The following EFHB variants were observed in gnomAD, a reference collection of about 807,000 sequenced individuals.
EFHB encodes the protein EF-hand domain-containing family member B.
Under a neutral mutation model 87.2 loss-of-function variants are expected in EFHB, and 91 were observed. The ratio of observed to expected loss-of-function variants is 1.04; its 90% CI spans 0.88 to 1.24. The LOEUF (loss-of-function observed/expected upper bound fraction) is 1.24, where lower values mean the gene tolerates loss of function less well. Among genes scored for constraint, EFHB ranks in the 50% most tolerant of loss-of-function variants. EFHB has a pLI of 0.00. For missense variants in EFHB, 1,084 were observed against 998.8 expected (o/e 1.09, Z -1.15); for synonymous variants, 325 against 333.6 (o/e 0.97, Z 0.28).
intron 11 of EFHB, among the ~76,000 whole-genome samples, chr3:19,883,660 T>C (rs1389423843): frequency 6.6e-6 from 1 of 152,176 alleles, no homozygotes; most frequent in African/African-American, 2.4e-5. Context: ...GTATAATTAA[T>C]TAAGATAAGG....
chr3:19,911,367 G>A lies in EFHB; in HGVS notation c.1288+3936C>T, dbSNP rs141035198. On this transcript the variant is annotated intron_variant, in intron 5 of 12. Coordinates refer to ENST00000295824, the MANE Select transcript of EFHB (RefSeq NM_144715.4). ...ACTTAAGGCCAGGAGTTCAAGACCA[G>A]CCTGGCCAACATGGTGAAACCCCAT... is the stretch of plus-strand genomic sequence containing the variant. 4.6e-3 allele frequency among the ~76,000 whole-genome samples: 700 copies of A among 152,062 alleles called. 19 individuals carry two copies. Among genetic ancestry groups the A allele is most frequent in the Admixed American group, 0.039 (589 of 15,266 alleles).
chr3:19,886,011 T>C (rs1694090215), intron 10 of EFHB, among the ~76,000 whole-genome samples: 1 of 152,110 alleles, frequency 6.6e-6, no homozygotes. Flanking sequence ...TACCCTAAAA[T>C]CATAGAAGAT....
intron 10 of EFHB, among the ~76,000 whole-genome samples, chr3:19,884,971 C>T (rs571866433): frequency 2.0e-5 from 3 of 151,356 alleles, no homozygotes; most frequent in African/African-American, 4.9e-5. Flanking sequence ...CCTGTAATCC[C>T]AGCACTTTGG....
chr3:19,941,007 C>A (rs1696145731), intron 1 of EFHB: 4 of 313,462 alleles, frequency 1.3e-5, no homozygotes, highest in Non-Finnish European at 2.5e-5. Flanking sequence ...ACAAGAGCAA[C>A]AAATCTTGAG....
upstream of EFHB, chr3:19,936,242 T>A: frequency 1.3e-6 from 1 of 772,052 alleles, no homozygotes; most frequent in Non-Finnish European, 2.2e-6. Flanking sequence ...CTCAGCTATC[T>A]GAGAGGCTGA....
chr3:19,883,302 G>C (rs1201006440), intron 11 of EFHB, among the ~76,000 whole-genome samples: 4 of 151,906 alleles, frequency 2.6e-5, no homozygotes. Context: ...TGCCCAGCCT[G>C]GTTTTCTTTA....
intron 1 of EFHB, among the ~76,000 whole-genome samples, chr3:19,932,627 G>A (rs1695866992): frequency 6.6e-6 from 1 of 152,180 alleles, no homozygotes. Flanking sequence ...ACAGAATTGT[G>A]CAATCTTTAC....
Position 19,879,542 on chromosome 3 carries a change from C to A in EFHB, c.*89G>T. 1 of 1,394,938 alleles carries A rather than the reference C, an allele frequency of 7.2e-7. No individual in the cohort carries two copies. The highest frequency in any genetic ancestry group is 9.6e-7 in the Non-Finnish European group (1 of 1,043,870). The allele number at this position is 1,394,938 out of a possible 1,614,324, so 86.4% of individuals were successfully genotyped here. ...TGAGTCTTACCACTGTGAACTCTAA[C>A]ATAATATCTAAAACCAGAATGGATT... On this transcript the variant is annotated 3_prime_UTR_variant, in exon 13 of 13. Transcript: ENST00000295824.
chr3:19,945,907 C>G (rs376144787), intron 1 of EFHB: 1 of 152,144 alleles, frequency 6.6e-6, no homozygotes, highest in Admixed American at 6.5e-5. Context: ...TACAACAGAG[C>G]TATACATTGT....
At chr3:19,915,110 T>A (rs7355793) in intron 5 of EFHB, among the ~76,000 whole-genome samples, 193 bp downstream of exon 5, 4,533 of 152,050 alleles carry the variant, frequency 0.03, 226 homozygotes, top group African/African-American at 0.1. Flanking sequence ...TTAAATAAAA[T>A]TTTTTTAAAA....
intron 5 of EFHB, among the ~76,000 whole-genome samples, chr3:19,913,129 A>T (rs1337865070): frequency 1.3e-5 from 2 of 152,344 alleles, no homozygotes; most frequent in East Asian, 3.9e-4. Flanking sequence ...TATACAACAG[A>T]ACCCCAGCTA....
Position 19,899,426 on chromosome 3 carries a change from A to C in EFHB, c.1502+6T>G, listed in dbSNP as rs1293602247. The C allele has an allele frequency of 5.0e-6, 8 of 1,585,206 alleles. No homozygotes were observed. The highest frequency in any genetic ancestry group is 5.1e-6 in the Non-Finnish European group (6 of 1,167,150). ...ACTATCAATTTGAAGTTAATCATTAACTTACGGATCTAAAACTCTTCCAAG... is the reference window on the plus strand; with the variant it reads ...ACTATCAATTTGAAGTTAATCATTACCTTACGGATCTAAAACTCTTCCAAG... On this transcript the variant is annotated splice_donor_region_variant and intron_variant, in intron 7 of 12. Coordinates refer to ENST00000295824, the MANE Select transcript of EFHB (RefSeq NM_144715.4).
chr3:19,922,344 A>G (rs1695464714), intron 1 of EFHB, among the ~76,000 whole-genome samples: 1 of 152,194 alleles, frequency 6.6e-6, no homozygotes, highest in Admixed American at 6.5e-5. Context: ...ATTGGTTGAA[A>G]GTGTGTATTC....
chr3:19,891,707 T>TGAACTATCTGGGTAGTTCATGTA (rs1193928937), intron 9 of EFHB, among the ~76,000 whole-genome samples: 1 of 152,222 alleles, frequency 6.6e-6, no homozygotes, highest in Non-Finnish European at 1.5e-5. Flanking sequence ...GGCTACTGAT[T>TGAACTATCTGGGTAGTTCATGTA]GAACTATCTG....
At chr3:19,905,830 G>T (rs1694825225) in intron 5 of EFHB, 81 bp from the exon 6 acceptor site, 2 of 1,464,602 alleles carry the variant, frequency 1.4e-6, no homozygotes, top group Non-Finnish European at 1.8e-6. Context: ...TGTTCTCATT[G>T]ACATTGAAAA....
chr3:19,907,441 A>G (rs1360087783), intron 5 of EFHB, among the ~76,000 whole-genome samples: 1 of 152,220 alleles, frequency 6.6e-6, no homozygotes, highest in Non-Finnish European at 1.5e-5. Context: ...CACCATTGTT[A>G]TGGAAATCCT....
chr3:19,885,953 C>G (rs1180022945), intron 10 of EFHB, among the ~76,000 whole-genome samples: 1 of 152,172 alleles, frequency 6.6e-6, no homozygotes. Context: ...TTTGGCAGAA[C>G]ATTCCTGGGC....
At chr3:19,887,614 A>G (rs1694152792) in intron 10 of EFHB, among the ~76,000 whole-genome samples, 1 of 152,138 alleles carries the variant, frequency 6.6e-6, no homozygotes, top group Non-Finnish European at 1.5e-5. Context: ...TGGGCCACAC[A>G]TAAAGTACAC....
At chr3:19,929,657 C>T (rs553480195) in intron 1 of EFHB, among the ~76,000 whole-genome samples, 3 of 132,048 alleles carry the variant, frequency 2.3e-5, no homozygotes, top group Non-Finnish European at 4.6e-5. Context: ...TGCAGCGAGC[C>T]GAGATGGTGC....
Sources: gnomAD v4.1 joint callset for allele counts (sites outside exome capture counted in the v4.1 genomes callset) on GRCh38, gnomAD v4.1.1 for gene constraint, MANE v1.5 for transcripts, NCBI Gene and HGNC (gene_info 2026-07-23, HGNC 2026-07-21) for gene names.